The following TENM3 variants were observed in gnomAD, a reference collection of about 807,000 sequenced individuals.
The protein encoded by TENM3 is teneurin-3.
A neutral mutation model predicts 255.1 loss-of-function variants in TENM3; 63 were observed. The observed-to-expected ratio is 0.25, with a 90% CI of 0.20 to 0.30. The LOEUF (loss-of-function observed/expected upper bound fraction) is 0.30, where lower values mean the gene tolerates loss of function less well. TENM3 is among the 10% of genes least tolerant of loss of function. TENM3 has a pLI of 1.00. For synonymous variants in TENM3, 1,306 were observed against 1,322.3 expected (o/e 0.99, Z 0.27); for missense variants, 2,929 against 3,461.1 (o/e 0.85, Z 3.86).
chr4:182,683,090 A>G (rs1756297677), intron 11 of TENM3, among the ~76,000 whole-genome samples: 1 of 152,176 alleles, frequency 6.6e-6, no homozygotes, highest in Non-Finnish European at 1.5e-5. Flanking sequence ...ATTAGAAAGT[A>G]CTTAAGAGCA....
the TENM3 span, among the ~76,000 whole-genome samples, chr4:181,483,281 A>C: frequency 2.0e-5 from 3 of 151,984 alleles, no homozygotes; most frequent in Admixed American, 1.3e-4. Context: ...ACAGCTTAAG[A>C]CTGCTGTGAC....
At chr4:182,691,935 T>G (rs1757040680) in intron 12 of TENM3, among the ~76,000 whole-genome samples, 1 of 152,228 alleles carries the variant, frequency 6.6e-6, no homozygotes, top group African/African-American at 2.4e-5. Context: ...CTTTTATATG[T>G]GACCATTCCA....
chr4:182,792,226 C>T lies in TENM3; in HGVS notation c.5602-48C>T. ...TCTGTGGTCACTAAATCTGCTTTTG[C>T]ATCTCCCGTTCACAAACACTGAGTA... is the stretch of plus-strand genomic sequence containing the variant. On this transcript the variant is annotated intron_variant, in intron 25 of 27. Coordinates refer to ENST00000511685, the MANE Select transcript of TENM3 (RefSeq NM_001080477.4). The surrounding 1 kb of genome is among the most constrained non-coding windows in gnomAD (Gnocchi z 6.3). 6.5e-7 allele frequency: 1 copy of T among 1,541,214 alleles called. No individual in the cohort carries two copies. Among genetic ancestry groups the T allele is most frequent in the South Asian group, 1.2e-5 (1 of 82,784 alleles).
At chr4:181,563,067 C>A in the TENM3 span, among the ~76,000 whole-genome samples, 57,799 of 152,048 alleles carry the variant, frequency 0.38, 11,625 homozygotes, top group African/African-American at 0.48. Flanking sequence ...GCTGCAATGG[C>A]ACCTGGGTGC....
chr4:181,583,910 G>A, the TENM3 span, among the ~76,000 whole-genome samples: 2 of 152,170 alleles, frequency 1.3e-5, no homozygotes, highest in African/African-American at 4.8e-5. Context: ...CACCTTCCTT[G>A]TCTTCTTAGC....
chr4:182,380,040 G>A (rs4862051), intron 3 of TENM3, among the ~76,000 whole-genome samples: 148,753 of 152,186 alleles, frequency 0.98, 72,763 homozygotes, highest in Non-Finnish European at 1. Context: ...AGGCCAAGGC[G>A]GGCGGATCAC....
At chr4:182,107,471 T>G in the TENM3 span, among the ~76,000 whole-genome samples, 1 of 152,288 alleles carries the variant, frequency 6.6e-6, no homozygotes, top group Admixed American at 6.5e-5. Context: ...TCTCAGGATG[T>G]TGCATTCCTG....
the TENM3 span, among the ~76,000 whole-genome samples, chr4:181,678,003 G>A: frequency 3.3e-5 from 5 of 152,072 alleles, no homozygotes; most frequent in Admixed American, 1.3e-4. Context: ...ATTTCTTTGA[G>A]AGAATTTATC....
At chr4:182,320,531 G>C (rs937712992) in intron 1 of TENM3, among the ~76,000 whole-genome samples, 4 of 152,098 alleles carry the variant, frequency 2.6e-5, no homozygotes, top group African/African-American at 9.7e-5. Flanking sequence ...CTCTCATAAA[G>C]ACACCAGTCA....
At chr4:182,763,633 T>C (rs1023394444) in intron 22 of TENM3, among the ~76,000 whole-genome samples, 2 of 152,076 alleles carry the variant, frequency 1.3e-5, no homozygotes, top group Non-Finnish European at 2.9e-5. Context: ...AAAGTACTCA[T>C]TTATAGAGGA....
upstream of TENM3, chr4:182,143,859 G>C (rs1398699289): frequency 6.6e-6 from 1 of 152,532 alleles, no homozygotes; most frequent in East Asian, 2.0e-4. This position sits in a 1 kb window ranked among gnomAD's most constrained non-coding sequence, Gnocchi z 4.3. Flanking sequence ...ATCACGGCGA[G>C]AGTAGTAAAG....
the TENM3 span, among the ~76,000 whole-genome samples, chr4:181,582,989 T>G: frequency 2.6e-5 from 4 of 152,198 alleles, no homozygotes; most frequent in Admixed American, 2.0e-4. Flanking sequence ...TTACTGCATA[T>G]ATATAAATGG....
intron 1 of TENM3, chr4:182,169,225 C>A: frequency 2.1e-6 from 1 of 467,408 alleles, no homozygotes; most frequent in Non-Finnish European, 4.4e-6. Context: ...TGCAGTCTGG[C>A]GAGTCAGGTT....
the TENM3 span, among the ~76,000 whole-genome samples, chr4:181,896,023 T>C: frequency 6.6e-6 from 1 of 152,202 alleles, no homozygotes; most frequent in East Asian, 1.9e-4. Context: ...CTAATTGCTT[T>C]CTCTACTGTT....
At chr4:182,268,162 G>T (rs906909401) in intron 1 of TENM3, among the ~76,000 whole-genome samples, 2 of 152,148 alleles carry the variant, frequency 1.3e-5, no homozygotes, top group African/African-American at 2.4e-5. Context: ...TCCTCTTGTG[G>T]AATATATTGC....
At chr4:181,996,111 C>T in the TENM3 span, among the ~76,000 whole-genome samples, 1 of 149,628 alleles carries the variant, frequency 6.7e-6, no homozygotes, top group Non-Finnish European at 1.5e-5. Context: ...ATTGATCAAG[C>T]ACCTAGGATA....
chr4:182,789,596 TGAGACC>T lies in TENM3; in HGVS notation c.5601+208_5601+213del, dbSNP rs1212463297. ...TTCTCCTTAGTTAAGTTCTACTGTC[TGAGACC>T]CTTTTAAGTGATTTATGATGTAAAC... On this transcript the variant is annotated intron_variant, in intron 25 of 27. Coordinates refer to ENST00000511685, the MANE Select transcript of TENM3 (RefSeq NM_001080477.4). This position sits in a 1 kb window ranked among gnomAD's most constrained non-coding sequence, Gnocchi z 4.4. 2.0e-5 allele frequency among the ~76,000 whole-genome samples: 3 copies of T among 152,268 alleles called. No homozygotes were observed. The highest frequency in any genetic ancestry group is 6.5e-5 in the Admixed American group (1 of 15,290).
the TENM3 span, among the ~76,000 whole-genome samples, chr4:182,111,725 T>A: frequency 3.3e-5 from 5 of 152,118 alleles, no homozygotes; most frequent in African/African-American, 1.2e-4. Flanking sequence ...TATTTCCTTA[T>A]CTTGAAGGAA....
At chr4:182,551,671 C>A (rs1580909163) in intron 3 of TENM3, among the ~76,000 whole-genome samples, 1 of 152,086 alleles carries the variant, frequency 6.6e-6, no homozygotes, top group East Asian at 1.9e-4. Context: ...TTATGCAGAC[C>A]AGTGGAATTT....
Sources: gnomAD v4.1 joint callset for allele counts (sites outside exome capture counted in the v4.1 genomes callset) on GRCh38, gnomAD v4.1.1 for gene constraint, Gnocchi (gnomAD v3.1) non-coding constraint, MANE v1.5 for transcripts, NCBI Gene and HGNC (gene_info 2026-07-23, HGNC 2026-07-21) for gene names.